Variants in TEX26 observed in about 807,000 individuals in gnomAD.
TEX26 encodes testis expressed 26.
TEX26 carries 34 observed loss-of-function variants against 35.3 expected under a neutral mutation model. The observed-to-expected ratio is 0.96, with a 90% CI of 0.73 to 1.28. TEX26 has a LOEUF of 1.28. TEX26 is among the 50% of genes most tolerant of loss of function. TEX26 has a pLI of 0.00. For synonymous variants in TEX26, 136 were observed against 111.8 expected (o/e 1.22, Z -1.36); for missense variants, 371 against 330.1 (o/e 1.12, Z -0.96).
intron 1 of TEX26, among the ~76,000 whole-genome samples, chr13:30,934,851 G>C (rs1303456166): frequency 6.6e-6 from 1 of 152,246 alleles, no homozygotes; most frequent in Non-Finnish European, 1.5e-5. Flanking sequence ...CTGCGGCTGT[G>C]GGTCTGAGCC....
At chr13:30,949,865 T>G (rs1953855646) in intron 2 of TEX26, among the ~76,000 whole-genome samples, 1 of 152,134 alleles carries the variant, frequency 6.6e-6, no homozygotes, top group South Asian at 2.1e-4. Flanking sequence ...TTTACTAGTA[T>G]TCAGTGAAAG....
rs1424720943 is a variant in TEX26 at position 30,962,534 on chromosome 13, G to T, written c.470-3688G>T. Reference sequence around the variant, plus strand: ...GCCTTCTTTGATCCTCCACCTTTGGGTTATTGGCCTTCCCATGTGTTTTAA... The same window carrying T: ...GCCTTCTTTGATCCTCCACCTTTGGTTTATTGGCCTTCCCATGTGTTTTAA... On this transcript the variant is annotated intron_variant, in intron 4 of 6. Coordinates refer to ENST00000380473, the MANE Select transcript of TEX26 (RefSeq NM_152325.3). Among the ~76,000 whole-genome samples the T allele has an allele frequency of 2.0e-5, 3 of 152,156 alleles. No individual in the cohort carries two copies. In the East Asian group the frequency reaches 5.8e-4, roughly 29 times the overall value.
At chr13:30,941,760 T>C (rs1953521840) in intron 2 of TEX26, among the ~76,000 whole-genome samples, 1 of 152,210 alleles carries the variant, frequency 6.6e-6, no homozygotes, top group Non-Finnish European at 1.5e-5. Flanking sequence ...TGGTTTTCCA[T>C]TCCTGCATTC....
chr13:30,956,556 G>C (rs1052720187), intron 3 of TEX26, among the ~76,000 whole-genome samples: 1 of 152,192 alleles, frequency 6.6e-6, no homozygotes, highest in Non-Finnish European at 1.5e-5. Context: ...CTTGGGAATG[G>C]CCAGAACTAG....
Position 30,947,712 on chromosome 13 carries a change from C to T in TEX26, c.147-4948C>T, listed in dbSNP as rs903772862. Among the ~76,000 whole-genome samples, 134 of 152,192 alleles carry T rather than the reference C, an allele frequency of 8.8e-4. 1 individual carries two copies. Among genetic ancestry groups the T allele is most frequent in the African/African-American group, 3.2e-3 (131 of 41,544 alleles). ...AAAAAGGATTTGGAAAATCGAAACA[C>T]TAATTTTAATAAATTTCTATAATAC... On this transcript the variant is annotated intron_variant, in intron 2 of 6. Coordinates refer to ENST00000380473, the MANE Select transcript of TEX26 (RefSeq NM_152325.3).
intron 5 of TEX26, among the ~76,000 whole-genome samples, chr13:30,967,800 A>T (rs1463073573): frequency 6.6e-6 from 1 of 152,244 alleles, no homozygotes; most frequent in Non-Finnish European, 1.5e-5. Context: ...TAAATGAGCA[A>T]TATTCATAAT....
At chr13:30,940,848 G>T (rs1288041705) in intron 2 of TEX26, among the ~76,000 whole-genome samples, 1 of 152,060 alleles carries the variant, frequency 6.6e-6, no homozygotes, top group African/African-American at 2.4e-5. Context: ...AGAGGCACGA[G>T]AATTGCTTGA....
In TEX26 at chr13:30,966,477, G is replaced by C; in HGVS notation, c.646+79G>C. On this transcript the variant is annotated intron_variant, in intron 5 of 6. Coordinates refer to ENST00000380473, the MANE Select transcript of TEX26 (RefSeq NM_152325.3). The stretch of plus-strand genomic sequence containing the variant: ...TTTGAGACGGAGTTTCCCTCTTGTC[G>C]CCCAGGCTGGAGTGCAGTGGCACAA... 6 of 1,307,250 alleles carry C rather than the reference G, an allele frequency of 4.6e-6. No homozygotes were observed. In the South Asian group the frequency reaches 7.5e-5, roughly 16 times the overall value. The allele number at this position is 1,307,250 out of a possible 1,614,324, so 81.0% of individuals were successfully genotyped here.
At chr13:30,935,073 C>T (rs145260407) in intron 1 of TEX26, among the ~76,000 whole-genome samples, 2 of 152,342 alleles carry the variant, frequency 1.3e-5, no homozygotes, top group Non-Finnish European at 2.9e-5. Context: ...GGAAGGACAC[C>T]CTTCACCCAT....
chr13:30,969,858 G>T (rs1049535869), intron 6 of TEX26, among the ~76,000 whole-genome samples: 4 of 144,492 alleles, frequency 2.8e-5, no homozygotes, highest in Admixed American at 1.3e-4. Flanking sequence ...ATCAATAAAA[G>T]TCTAATATTT....
At chr13:30,946,608 A>AT (rs951964241) in intron 2 of TEX26, among the ~76,000 whole-genome samples, 3 of 151,514 alleles carry the variant, frequency 2.0e-5, no homozygotes, top group African/African-American at 7.3e-5. Context: ...TTTTTATTTG[A>AT]TTTTTTAAAA....
rs1954527202 is a variant in TEX26, at chr13:30,966,356, T to G, written c.604T>G (p.Tyr202Asp). Residue 202 changes from tyrosine (Y) to aspartate (D), a missense_variant, in exon 5 of 7, where the codon TAT becomes GAT. Coordinates refer to ENST00000380473, the MANE Select transcript of TEX26 (RefSeq NM_152325.3). ...TGAGCTTCAAGATTTCAGTTTCAAA[T>G]ATGGATGCTACTCAAGCTTGCCTGT... Reference protein sequence around the residue: ...IPELQDFSFKYGCYSSLPVAS... With the variant: ...IPELQDFSFKDGCYSSLPVAS... 1.2e-6 allele frequency: 2 copies of G among 1,613,692 alleles called. No individual in the cohort carries two copies. The highest frequency in any genetic ancestry group is 1.7e-6 in the Non-Finnish European group (2 of 1,179,916).
At chr13:30,936,117 G>A (rs191639323) in intron 1 of TEX26, among the ~76,000 whole-genome samples, 352 of 152,316 alleles carry the variant, frequency 2.3e-3, no homozygotes, top group South Asian at 7.3e-3. Context: ...GTGTCACCAT[G>A]TGGCACACTA....
At chr13:30,964,611 TAGTC>T (rs1297720924) in intron 4 of TEX26, among the ~76,000 whole-genome samples, 1 of 152,244 alleles carries the variant, frequency 6.6e-6, no homozygotes, top group African/African-American at 2.4e-5. Flanking sequence ...TCAAGTGTCT[TAGTC>T]TGTTTTGTAC....
chr13:30,953,375 G>A (rs1015863573), intron 3 of TEX26, among the ~76,000 whole-genome samples: 1 of 152,182 alleles, frequency 6.6e-6, no homozygotes, highest in Non-Finnish European at 1.5e-5. Context: ...GACAGGAAAA[G>A]CACTATTATG....
intron 4 of TEX26, among the ~76,000 whole-genome samples, chr13:30,964,269 G>A (rs61947612): frequency 0.17 from 25,166 of 151,882 alleles, 2,386 homozygotes; most frequent in African/African-American, 0.27. Context: ...CTCAATGTCT[G>A]GAATGAGGGT....
At chr13:30,934,417 G>A (rs1593523998) in intron 1 of TEX26, among the ~76,000 whole-genome samples, 1 of 152,164 alleles carries the variant, frequency 6.6e-6, no homozygotes, top group East Asian at 1.9e-4. Context: ...ACTACAGATG[G>A]GGCTCTCAGG....
chr13:30,954,794 TTACAATATTATACTGTATGTA>T (rs1453286727), intron 3 of TEX26, among the ~76,000 whole-genome samples: 31 of 152,326 alleles, frequency 2.0e-4, no homozygotes, highest in African/African-American at 7.2e-4. Context: ...GAAGAGTTGA[TTACAATATTATACTGTATGTA>T]TACAATATTA....
intron 2 of TEX26, among the ~76,000 whole-genome samples, chr13:30,945,253 T>C (rs1320816273): frequency 6.6e-6 from 1 of 151,988 alleles, no homozygotes; most frequent in Non-Finnish European, 1.5e-5. Flanking sequence ...TTATCTGATA[T>C]AAGAATAGCT....
Sources: gnomAD v4.1 joint callset for allele counts (sites outside exome capture counted in the v4.1 genomes callset) on GRCh38, gnomAD v4.1.1 for gene constraint, MANE v1.5 for transcripts, NCBI Gene and HGNC (gene_info 2026-07-23, HGNC 2026-07-21) for gene names.